USP28: variants seen among roughly 807,000 people sequenced by gnomAD.
The protein encoded by USP28 is ubiquitin specific peptidase 28, also known as ubiquitin carboxyl-terminal hydrolase 28.
A neutral mutation model predicts 145.0 loss-of-function variants in USP28; 113 were observed. The observed-to-expected ratio is 0.78, with a 90% confidence interval of 0.67 to 0.91. The LOEUF is 0.91. Ranked by LOEUF, USP28 falls within the 40% of genes least tolerant of loss-of-function variation. The pLI is 0.00. For missense variants in USP28, 1,201 were observed against 1,289.6 expected, an observed-to-expected ratio of 0.93 and a Z score of 1.05; for synonymous variants, 447 against 450.9, an observed-to-expected ratio of 0.99 and a Z score of 0.11.
At chr11:113,814,505 C>T (rs1286756527) in intron 14 of USP28, among the ~76,000 whole-genome samples, 2 of 152,124 alleles carry the variant, frequency 1.3e-5, no homozygotes, top group Non-Finnish European at 2.9e-5. Flanking sequence ...GTAAAGCATG[C>T]TTCCTATAGA....
intron 3 of USP28, among the ~76,000 whole-genome samples, chr11:113,848,554 T>A (rs1946127344): frequency 6.6e-6 from 1 of 152,148 alleles, no homozygotes; most frequent in Admixed American, 6.6e-5. Context: ...TCAAAACCTG[T>A]TGATAAAGTC....
intron 12 of USP28, among the ~76,000 whole-genome samples, chr11:113,819,170 C>T (rs1034856932): frequency 1.3e-5 from 2 of 150,164 alleles, no homozygotes; most frequent in African/African-American, 2.5e-5. Flanking sequence ...TGGAGTGCAG[C>T]GGCACGATCT....
intron 1 of USP28, 59 bp from the exon 2 acceptor site, chr11:113,854,394 A>C (rs2136545927): frequency 2.0e-6 from 3 of 1,497,232 alleles, no homozygotes; most frequent in East Asian, 2.3e-5. Flanking sequence ...ACCTGGGTAC[A>C]TTTAAAGAAT....
rs556742435 is a variant in USP28, at chr11:113,850,562, G to A, written c.268+1939C>T. Among the ~76,000 whole-genome samples the A allele has an allele frequency of 2.6e-5, 4 of 152,182 alleles. No individual in the cohort carries two copies. The South Asian group carries it at 6.2e-4, about 24-fold the overall frequency. On this transcript the variant is annotated intron_variant, in intron 3 of 24. Coordinates refer to ENST00000003302, the Ensembl canonical transcript of USP28. ...TCCAGAATAGCTCAAAACTGTTAAC[G>A]GCCCAAATGTCCATTAACACCACCT...
At chr11:113,833,233 A>T (rs543056447) in intron 7 of USP28, among the ~76,000 whole-genome samples, 187 bp downstream of exon 7, 26 of 152,250 alleles carry the variant, frequency 1.7e-4, no homozygotes, top group African/African-American at 6.0e-4. Flanking sequence ...CAACACACGC[A>T]CACTCTCTCA....
intron 7 of USP28, among the ~76,000 whole-genome samples, chr11:113,832,772 T>C (rs1314579912): frequency 6.6e-6 from 1 of 152,092 alleles, no homozygotes; most frequent in African/African-American, 2.4e-5. Flanking sequence ...TGTTTTTGTT[T>C]TTAAATTATT....
chr11:113,851,113 T>C (rs1382512131), intron 3 of USP28, among the ~76,000 whole-genome samples: 1 of 152,066 alleles, frequency 6.6e-6, no homozygotes, highest in Non-Finnish European at 1.5e-5. Context: ...ACCTTAAAAA[T>C]AATATATGCC....
intron 12 of USP28, 134 bp downstream of exon 12, chr11:113,823,471 C>T (rs911355904): frequency 4.0e-5 from 29 of 716,434 alleles, no homozygotes; most frequent in South Asian, 3.4e-4. Context: ...CACACTTAGA[C>T]AAAAAATTTT....
At chr11:113,860,893 C>A (rs998036822) in intron 1 of USP28, among the ~76,000 whole-genome samples, 1 of 151,340 alleles carries the variant, frequency 6.6e-6, no homozygotes, top group South Asian at 2.1e-4. Context: ...CCGAGGCAGG[C>A]AGATCACGAG....
chr11:113,806,645 T>C, intron 18 of USP28, 61 bp from the exon 20 acceptor site: 1 of 1,244,226 alleles, frequency 8.0e-7, no homozygotes, highest in Non-Finnish European at 1.1e-6. Flanking sequence ...AGCAGAAGAC[T>C]GTATGAAAGC....
At chr11:113,853,713 A>G (rs1946729948) in intron 2 of USP28, among the ~76,000 whole-genome samples, 1 of 151,978 alleles carries the variant, frequency 6.6e-6, no homozygotes, top group Non-Finnish European at 1.5e-5. Context: ...CGTCTCTACT[A>G]AAAATACAAA....
Position 113,842,415 on chromosome 11 carries a change from C to T in USP28, c.269-647G>A, listed in dbSNP as rs188150253. 7.3e-3 allele frequency among the ~76,000 whole-genome samples: 1,105 copies of T among 152,058 alleles called. 3 individuals carry two copies. Among genetic ancestry groups the T allele is most frequent in the Non-Finnish European group, 0.012 (815 of 67,952 alleles). On this transcript the variant is annotated intron_variant, in intron 3 of 24. Coordinates refer to ENST00000003302, the Ensembl canonical transcript of USP28. ...CCTGGCTAACACGGTGAAACCCCGT[C>T]TCTACTAAAAATACAAAAAATTTGC...
Position 113,829,847 on chromosome 11 carries a change from T to A in USP28, c.911-502A>T, listed in dbSNP as rs80214473. Among the ~76,000 whole-genome samples, 400 of 113,326 alleles carry A rather than the reference T, an allele frequency of 3.5e-3. 3 individuals carry two copies. The highest frequency in any genetic ancestry group is 0.01 in the African/African-American group (330 of 32,170). The allele number at this position is 113,326 out of a possible 152,430, so 74.3% of individuals were successfully genotyped here. A position where few individuals can be genotyped will look rare whatever the true frequency, so the allele number is the denominator to read the frequency against. ...CTCAAAAAAAAAAAAAAAAAAAAAATGCAAAGACAACCAGACATTATGTAC... is the reference window on the plus strand; with the variant it reads ...CTCAAAAAAAAAAAAAAAAAAAAAAAGCAAAGACAACCAGACATTATGTAC... On this transcript the variant is annotated intron_variant, in intron 9 of 24. Coordinates refer to ENST00000003302, the Ensembl canonical transcript of USP28.
intron 11 of USP28, among the ~76,000 whole-genome samples, chr11:113,824,949 AAG>A (rs1555063839): frequency 7.2e-4 from 108 of 150,616 alleles, no homozygotes; most frequent in Non-Finnish European, 1.3e-3. Context: ...AAAAAAAAAA[AAG>A]ATGTCAATTT....
chr11:113,875,265 C>A (rs1424453425), intron 1 of USP28, among the ~76,000 whole-genome samples, 180 bp downstream of exon 1: 1 of 152,112 alleles, frequency 6.6e-6, no homozygotes, highest in African/African-American at 2.4e-5. Context: ...AGTCCTCAAT[C>A]TCCGCGGCCC....
exon 25 of USP28, chr11:113,799,237 A>G: frequency 2.5e-6 from 4 of 1,611,734 alleles, no homozygotes; most frequent in Non-Finnish European, 3.4e-6. Flanking sequence ...AACATGTGGG[A>G]GCTTATTTCA....
In USP28 at chr11:113,834,346, G is replaced by C. The variant is rs199724825; in HGVS notation, c.535-11C>G. 48 of 1,587,316 alleles carry C rather than the reference G, an allele frequency of 3.0e-5. No homozygotes were observed. The East Asian group carries it at 4.9e-4, about 16-fold the overall frequency. On this transcript the variant is annotated splice_polypyrimidine_tract_variant and intron_variant, in intron 5 of 24. Transcript: ENST00000003302. ...CAATTGAAAGAGAGACTGAAATAAA[G>C]AAAGAAAGGGATTCATAGCCTTTCC...
At chr11:113,838,650 C>T (rs1234182399) in intron 5 of USP28, among the ~76,000 whole-genome samples, 1 of 152,248 alleles carries the variant, frequency 6.6e-6, no homozygotes, top group Non-Finnish European at 1.5e-5. Flanking sequence ...CCCGCCTCAT[C>T]AGAAAGGCCA....
chr11:113,829,061 G>T, intron 10 of USP28, 136 bp downstream of exon 10: 3 of 1,165,018 alleles, frequency 2.6e-6, no homozygotes, highest in Non-Finnish European at 3.7e-6. Flanking sequence ...ATCAACTGAT[G>T]AGAGACTTAA....
Sources: gnomAD v4.1 joint callset for allele counts (sites outside exome capture counted in the v4.1 genomes callset) on GRCh38, gnomAD v4.1.1 for gene constraint, MANE v1.5 for transcripts, NCBI Gene and HGNC (gene_info 2026-07-23, HGNC 2026-07-21) for gene names.